The following LUZP2 variants were observed in gnomAD, a reference collection of about 807,000 sequenced individuals.
LUZP2 encodes leucine zipper protein 2.
A neutral mutation model predicts 51.6 loss-of-function variants in LUZP2; 52 were observed. The ratio of observed to expected loss-of-function variants is 1.01; its 90% confidence interval spans 0.81 to 1.27. LUZP2 has a LOEUF of 1.27. Ranked by LOEUF, LUZP2 falls within the 50% of genes most tolerant of loss-of-function variation. The probability of loss-of-function intolerance (pLI) is 0.00; values close to 1 mark genes in which losing one functional copy is unlikely to be tolerated. For missense variants in LUZP2, 436 were observed against 395.4 expected, an observed-to-expected ratio of 1.10 and a Z score of -0.87; for synonymous variants, 154 against 137.3, an observed-to-expected ratio of 1.12 and a Z score of -0.85.
At chr11:24,698,299 A>G (rs531347327) in intron 1 of LUZP2, among the ~76,000 whole-genome samples, 36 of 152,330 alleles carry the variant, frequency 2.4e-4, no homozygotes, top group African/African-American at 8.4e-4. Context: ...ATATTAATGC[A>G]GTATTTTTAC....
chr11:24,665,523 C>T (rs61875713), intron 1 of LUZP2, among the ~76,000 whole-genome samples: 2,143 of 152,168 alleles, frequency 0.014, 14 homozygotes, highest in Non-Finnish European at 0.022. Flanking sequence ...TGGCTATGTC[C>T]GCATCCAAAT....
chr11:24,606,332 C>T (rs11028060), intron 1 of LUZP2, among the ~76,000 whole-genome samples: 1 of 151,786 alleles, frequency 6.6e-6, no homozygotes, highest in Non-Finnish European at 1.5e-5. Context: ...AATGATCTTG[C>T]CCAGCTGTAG....
At chr11:24,809,675 G>T (rs1849960192) in intron 5 of LUZP2, among the ~76,000 whole-genome samples, 1 of 151,594 alleles carries the variant, frequency 6.6e-6, no homozygotes, top group Non-Finnish European at 1.5e-5. Flanking sequence ...TTAAAAAAAT[G>T]TTTTTAAATA....
At chr11:24,711,580 G>C (rs929464158) in intron 1 of LUZP2, among the ~76,000 whole-genome samples, 1 of 152,040 alleles carries the variant, frequency 6.6e-6, no homozygotes, top group African/African-American at 2.4e-5. Flanking sequence ...GAGTTGTCTC[G>C]CTCAACGTAT....
intron 1 of LUZP2, among the ~76,000 whole-genome samples, chr11:24,527,993 C>G (rs1478098078): frequency 6.6e-6 from 1 of 151,198 alleles, no homozygotes; most frequent in Non-Finnish European, 1.5e-5. Context: ...GGCTGGACAT[C>G]CATTCCTGGT....
intron 7 of LUZP2, among the ~76,000 whole-genome samples, chr11:24,940,166 G>T (rs1854702544): frequency 1.3e-5 from 2 of 152,060 alleles, no homozygotes; most frequent in African/African-American, 4.8e-5. Context: ...CACACACATT[G>T]AAATCTACTA....
intron 9 of LUZP2, among the ~76,000 whole-genome samples, chr11:25,032,941 A>C (rs1344093432): frequency 3.3e-5 from 5 of 152,216 alleles, no homozygotes. Context: ...TTCAACTTTT[A>C]GGGAATTATT....
rs1281623169 is a variant in LUZP2 at position 24,729,289 on chromosome 11, GA to G, written c.180+4del. ...ATGGAATTAAAGTCAATCTTCAGGT[GA>G]GATGAGAACTCATTTTCCGAGCAGT... On this transcript the variant is annotated splice_donor_region_variant and intron_variant, in intron 2 of 11. Transcript: ENST00000336930. 6.7e-7 allele frequency: 1 copy of G among 1,493,266 alleles called. No individual in the cohort carries two copies. The highest frequency in any genetic ancestry group is 2.4e-5 in the East Asian group (1 of 42,380). 92.5% of individuals were successfully genotyped at this position (1,493,266 alleles called of 1,614,324 possible). A position where few individuals can be genotyped will look rare whatever the true frequency, so the allele number is the denominator to read the frequency against.
intron 7 of LUZP2, among the ~76,000 whole-genome samples, chr11:24,925,323 A>C (rs1389300016): frequency 9.2e-5 from 14 of 152,110 alleles, no homozygotes; most frequent in Non-Finnish European, 5.9e-5. Flanking sequence ...TTTTCAGGTT[A>C]ATTTAGGAAT....
intron 5 of LUZP2, among the ~76,000 whole-genome samples, chr11:24,811,206 C>A (rs796992541): frequency 2.2e-4 from 33 of 152,170 alleles, no homozygotes; most frequent in African/African-American, 7.9e-4. Context: ...GGCTAGCCAC[C>A]AAATTTAGAA....
intron 7 of LUZP2, among the ~76,000 whole-genome samples, chr11:24,928,009 A>T (rs1403944594): frequency 6.6e-6 from 1 of 151,930 alleles, no homozygotes; most frequent in Non-Finnish European, 1.5e-5. Flanking sequence ...ATTGTAAAAA[A>T]AAAGTTGAGT....
At chr11:24,827,018 TG>T (rs1489435464) in intron 5 of LUZP2, among the ~76,000 whole-genome samples, 1 of 152,148 alleles carries the variant, frequency 6.6e-6, no homozygotes, top group Non-Finnish European at 1.5e-5. Flanking sequence ...ATAATGTCAT[TG>T]GGTTTTCAAT....
At chr11:24,915,648 TAGAC>T (rs58152629) in intron 7 of LUZP2, among the ~76,000 whole-genome samples, 46 of 151,170 alleles carry the variant, frequency 3.0e-4, no homozygotes, top group Non-Finnish European at 4.6e-4. Context: ...ATGTTGATGA[TAGAC>T]AGATAGATAG....
At chr11:24,546,838 G>A (rs948825570) in intron 1 of LUZP2, among the ~76,000 whole-genome samples, 8 of 152,008 alleles carry the variant, frequency 5.3e-5, no homozygotes, top group Admixed American at 2.6e-4. Flanking sequence ...AATAGTTTCA[G>A]TAGGAATGGT....
At chr11:24,697,607 A>G (rs2133901746) in intron 1 of LUZP2, among the ~76,000 whole-genome samples, 1 of 152,292 alleles carries the variant, frequency 6.6e-6, no homozygotes, top group East Asian at 1.9e-4. Context: ...CCTTTCCAAA[A>G]CTACCTCCCT....
intron 4 of LUZP2, among the ~76,000 whole-genome samples, chr11:24,741,362 G>A (rs770655895): frequency 1.3e-5 from 2 of 151,874 alleles, no homozygotes; most frequent in African/African-American, 2.4e-5. Flanking sequence ...TTCACCAAAG[G>A]CTTGCATTTT....
intron 7 of LUZP2, among the ~76,000 whole-genome samples, chr11:24,954,136 A>G (rs1855153592): frequency 6.6e-6 from 1 of 151,910 alleles, no homozygotes; most frequent in Non-Finnish European, 1.5e-5. Context: ...ACCTTGCAAG[A>G]CTCCACATAG....
intron 7 of LUZP2, among the ~76,000 whole-genome samples, chr11:24,942,846 A>T (rs1016310834): frequency 6.6e-6 from 1 of 152,182 alleles, no homozygotes; most frequent in Admixed American, 6.5e-5. Flanking sequence ...GATGTTTCAT[A>T]TATGTAGGCT....
In LUZP2 at chr11:24,537,895, T is replaced by C. The variant is rs536345759; in HGVS notation, c.62+40590T>C. On this transcript the variant is annotated intron_variant, in intron 1 of 11. Coordinates refer to ENST00000336930, the MANE Select transcript of LUZP2 (RefSeq NM_001009909.4). ...GCTATATTTTACTGTCTTGCTTTCA[T>C]AAAAAAAATAAATAGGCTAAGCTTT... 2.6e-5 allele frequency among the ~76,000 whole-genome samples: 4 copies of C among 151,784 alleles called. No homozygotes were observed. The East Asian group carries it at 7.7e-4, about 29-fold the overall frequency.
Sources: allele counts gnomAD v4.1 joint callset (sites outside exome capture counted in the v4.1 genomes callset), GRCh38; gene constraint gnomAD v4.1.1; transcripts MANE v1.5; gene names NCBI Gene and HGNC (gene_info 2026-07-23, HGNC 2026-07-21).